The following KANSL1L variants were observed in gnomAD, a reference collection of about 807,000 sequenced individuals.
KANSL1L encodes KAT8 regulatory NSL complex subunit 1-like protein.
A neutral mutation model predicts 108.6 loss-of-function variants in KANSL1L; 25 were observed. The ratio of observed to expected loss-of-function variants is 0.23; its 90% CI spans 0.17 to 0.32. KANSL1L has a LOEUF of 0.32. KANSL1L is among the 10% of genes least tolerant of loss of function. The probability of loss-of-function intolerance (pLI) is 1.00; values close to 1 mark genes in which losing one functional copy is unlikely to be tolerated. For synonymous variants in KANSL1L, 405 were observed against 395.1 expected, an observed-to-expected ratio of 1.03 and a Z score of -0.30; for missense variants, 1,137 against 1,125.7, an observed-to-expected ratio of 1.01 and a Z score of -0.14.
At chr2:210,115,642 C>G (rs1237422274) in intron 3 of KANSL1L, among the ~76,000 whole-genome samples, 1 of 152,234 alleles carries the variant, frequency 6.6e-6, no homozygotes, top group Non-Finnish European at 1.5e-5. Context: ...GATGACCTTA[C>G]TGACATCACA....
intron 5 of KANSL1L, among the ~76,000 whole-genome samples, chr2:210,091,550 C>G (rs1320283400): frequency 6.6e-6 from 1 of 152,120 alleles, no homozygotes; most frequent in Non-Finnish European, 1.5e-5. Flanking sequence ...AATGCCCCCT[C>G]TTATGTGAAG....
intron 6 of KANSL1L, among the ~76,000 whole-genome samples, chr2:210,049,618 A>T (rs1424175548): frequency 6.6e-6 from 1 of 152,160 alleles, no homozygotes; most frequent in Non-Finnish European, 1.5e-5. Context: ...TTTTCTTTCA[A>T]TAAAATGATT....
chr2:210,089,077 G>T, intron 5 of KANSL1L: 1 of 154,394 alleles, frequency 6.5e-6, no homozygotes, highest in South Asian at 1.9e-4. Flanking sequence ...TTCTTAAGCA[G>T]AATCTCATTA....
At chr2:210,110,142 A>G (rs922085087) in intron 3 of KANSL1L, among the ~76,000 whole-genome samples, 1 of 152,052 alleles carries the variant, frequency 6.6e-6, no homozygotes, top group Admixed American at 6.6e-5. Context: ...TAACCCCTAT[A>G]CCTACCTACA....
intron 1 of KANSL1L, among the ~76,000 whole-genome samples, chr2:210,158,171 T>G (rs577832705): frequency 8.7e-4 from 133 of 152,310 alleles, no homozygotes; most frequent in African/African-American, 3.1e-3. Context: ...TAACTCACTT[T>G]TAATGAAAAT....
At chr2:210,161,701 T>C (rs2095362306) in intron 1 of KANSL1L, among the ~76,000 whole-genome samples, 1 of 152,184 alleles carries the variant, frequency 6.6e-6, no homozygotes, top group African/African-American at 2.4e-5. Context: ...GATGTACATA[T>C]TACTGAAAGT....
chr2:210,095,904 C>A (rs549222044), intron 5 of KANSL1L, among the ~76,000 whole-genome samples: 11 of 152,154 alleles, frequency 7.2e-5, no homozygotes, highest in African/African-American at 2.4e-4. Context: ...CTTTTTGAAA[C>A]ACACATTATG....
intron 3 of KANSL1L, among the ~76,000 whole-genome samples, chr2:210,118,606 GAAGGC>G (rs2094981504): frequency 6.6e-6 from 1 of 152,022 alleles, no homozygotes; most frequent in African/African-American, 2.4e-5. Flanking sequence ...CAGCACTTTG[GAAGGC>G]CAGGGCAGGC....
At chr2:210,138,795 A>G (rs1326965792) in intron 2 of KANSL1L, among the ~76,000 whole-genome samples, 2 of 152,136 alleles carry the variant, frequency 1.3e-5, no homozygotes, top group Non-Finnish European at 2.9e-5. Flanking sequence ...TGAAAATATC[A>G]TAAGTCGAAA....
intron 6 of KANSL1L, among the ~76,000 whole-genome samples, chr2:210,074,902 A>T (rs181386638): frequency 6.6e-6 from 1 of 152,204 alleles, no homozygotes; most frequent in Non-Finnish European, 1.5e-5. Context: ...AGCAAGAACT[A>T]GAGATAACTT....
Position 210,044,303 on chromosome 2 carries a change from T to A in KANSL1L, c.1756-199A>T, listed in dbSNP as rs1162627070. On this transcript the variant is annotated intron_variant, in intron 6 of 14. Coordinates refer to ENST00000281772, the MANE Select transcript of KANSL1L (RefSeq NM_152519.4). The surrounding 1 kb of genome is among the most constrained non-coding windows in gnomAD (Gnocchi z 4.2). The stretch of plus-strand genomic sequence containing the variant: ...AGGGATGTAAAAATATAATTAACTT[T>A]TATATATTGAATATTCTACAACTTT... Among the ~76,000 whole-genome samples the A allele has an allele frequency of 2.0e-5, 3 of 152,212 alleles. No homozygotes were observed. Among genetic ancestry groups the A allele is most frequent in the African/African-American group, 7.2e-5 (3 of 41,464 alleles).
Position 210,075,627 on chromosome 2 carries a change from G to A in KANSL1L, c.1680C>T (p.Ala560=), listed in dbSNP as rs2125326090. The change falls in exon 6 of 15, where the codon GCC becomes GCT. Residue 560 remains alanine, a synonymous_variant. Transcript: ENST00000281772. ...SSSLTFMSTS[A]RTRPLQSFHK... is the part of the protein sequence containing the mutation. ...GGAAACTCTGAAGTGGCCTTGTTCG[G>A]GCTGATGTACTCATGAAAGTCAAGG... 1 of 1,613,924 alleles carries A rather than the reference G, an allele frequency of 6.2e-7. No homozygotes were observed. Among genetic ancestry groups the A allele is most frequent in the South Asian group, 1.1e-5 (1 of 91,072 alleles).
chr2:210,097,941 G>T (rs1228423089), intron 5 of KANSL1L, 145 bp downstream of exon 5: 7 of 438,606 alleles, frequency 1.6e-5, no homozygotes, highest in Non-Finnish European at 2.4e-5. Context: ...ATCAAAAAAT[G>T]CATCCATGGT....
chr2:210,072,587 C>T (rs2094515357), intron 6 of KANSL1L, among the ~76,000 whole-genome samples: 1 of 152,130 alleles, frequency 6.6e-6, no homozygotes, highest in African/African-American at 2.4e-5. Flanking sequence ...AATCATCAGG[C>T]TTTAGATTCT....
intron 5 of KANSL1L, among the ~76,000 whole-genome samples, chr2:210,079,638 A>ATG (rs1406763180): frequency 0.19 from 1,464 of 7,856 alleles, 180 homozygotes; most frequent in African/African-American, 0.33. Flanking sequence ...ATATATATAT[A>ATG]TATATATATA....
intron 8 of KANSL1L, among the ~76,000 whole-genome samples, chr2:210,034,425 A>G (rs988472443): frequency 2.6e-5 from 4 of 152,212 alleles, no homozygotes; most frequent in African/African-American, 7.2e-5. Flanking sequence ...AAATTTGGGA[A>G]CTGAACAGCT....
intron 8 of KANSL1L, 84 bp downstream of exon 8, chr2:210,040,336 T>C (rs747287347): frequency 2.2e-4 from 157 of 713,444 alleles, no homozygotes; most frequent in Non-Finnish European, 2.4e-4. Context: ...TTTTCTTAGA[T>C]TTTATTTTTC....
In KANSL1L at chr2:210,125,105, T is replaced by C. The variant is rs186701581; in HGVS notation, c.1230+3926A>G. ...CCCGTCTCTACTAAAAATACAAAAA[T>C]TAGCTGGATGTGGTGGCGGGTGCCT... is the stretch of plus-strand genomic sequence containing the variant. On this transcript the variant is annotated intron_variant, in intron 3 of 14. Transcript: ENST00000281772. Among the ~76,000 whole-genome samples, 376 of 152,026 alleles carry C rather than the reference T, an allele frequency of 2.5e-3. 1 individual carries two copies. Among genetic ancestry groups the C allele is most frequent in the Non-Finnish European group, 3.6e-3 (247 of 67,982 alleles).
chr2:210,079,616 A>G (rs1383795008), intron 5 of KANSL1L, among the ~76,000 whole-genome samples: 230 of 1,052 alleles, frequency 0.22, 5 homozygotes, highest in Admixed American at 0.34. Context: ...GTATGTGTAT[A>G]TATATATATA....
Sources: gnomAD v4.1 joint callset for allele counts (sites outside exome capture counted in the v4.1 genomes callset) on GRCh38, gnomAD v4.1.1 for gene constraint, Gnocchi (gnomAD v3.1) non-coding constraint, MANE v1.5 for transcripts, NCBI Gene and HGNC (gene_info 2026-07-23, HGNC 2026-07-21) for gene names.